Variants in GRIK4 observed in about 807,000 individuals in gnomAD.
GRIK4 encodes glutamate ionotropic receptor kainate type subunit 4, also known as glutamate receptor ionotropic, kainate 4.
A neutral mutation model predicts 104.9 loss-of-function variants in GRIK4; 40 were observed. That is an observed-to-expected ratio of 0.38 (90% CI 0.30 to 0.50). The LOEUF (loss-of-function observed/expected upper bound fraction) is 0.50, where lower values mean the gene tolerates loss of function less well. Ranked by LOEUF, GRIK4 falls within the 20% of genes least tolerant of loss-of-function variation. The pLI is 0.93. For synonymous variants in GRIK4, 485 were observed against 524.9 expected (o/e 0.92, Z 1.04); for missense variants, 1,047 against 1,308.1 (o/e 0.80, Z 3.08).
At position 120,967,674 on chromosome 11, in the gene GRIK4, C is replaced by A. The variant is rs934535209; in HGVS notation, c.2395+351C>A. Among the ~76,000 whole-genome samples the A allele has an allele frequency of 1.1e-4, 17 of 152,200 alleles. No homozygotes were observed. Among genetic ancestry groups the A allele is most frequent in the Non-Finnish European group, 5.9e-5 (4 of 68,038 alleles). ...TCAGTTTCCCATTCTTGCGTCTCTA[C>A]AGTATATTCTCCGCTACTAGCCAGA... is the stretch of plus-strand genomic sequence containing the variant. On this transcript the variant is annotated intron_variant, in intron 19 of 20. Transcript: ENST00000527524. The surrounding 1 kb of genome is among the most constrained non-coding windows in gnomAD (Gnocchi z 4.2).
At chr11:120,608,417 C>T (rs1281674269) in intron 1 of GRIK4, among the ~76,000 whole-genome samples, 1 of 152,276 alleles carries the variant, frequency 6.6e-6, no homozygotes, top group African/African-American at 2.4e-5. Flanking sequence ...GACACATTTA[C>T]AAAGGCTCTT....
At chr11:120,832,097 T>A in intron 7 of GRIK4, 67 bp downstream of exon 7, 2 of 1,150,686 alleles carry the variant, frequency 1.7e-6, no homozygotes, top group Non-Finnish European at 2.5e-6. Flanking sequence ...GCCTTGAGGG[T>A]CCTCCTGAGC....
At chr11:120,701,206 A>G (rs1266247222) in intron 3 of GRIK4, among the ~76,000 whole-genome samples, 1 of 152,194 alleles carries the variant, frequency 6.6e-6, no homozygotes, top group African/African-American at 2.4e-5. Context: ...CATTTTGTAC[A>G]CTAGATCTCT....
At chr11:120,845,511 C>T (rs919222458) in intron 8 of GRIK4, among the ~76,000 whole-genome samples, 9 of 152,160 alleles carry the variant, frequency 5.9e-5, no homozygotes, top group African/African-American at 2.2e-4. Flanking sequence ...CAAAACTCTA[C>T]AGCTGTTATC....
chr11:120,976,788 C>G (rs923731919), intron 19 of GRIK4, among the ~76,000 whole-genome samples: 2 of 152,242 alleles, frequency 1.3e-5, no homozygotes, highest in Non-Finnish European at 2.9e-5. Context: ...GCCTCCATGG[C>G]TTTTGTGGCC....
At chr11:120,877,189 C>T (rs571166040) in intron 11 of GRIK4, among the ~76,000 whole-genome samples, 1 of 152,314 alleles carries the variant, frequency 6.6e-6, no homozygotes, top group East Asian at 1.9e-4. Flanking sequence ...TATAATTTCT[C>T]AAATGAGAGC....
chr11:120,530,056 TG>T (rs2136080444), intron 1 of GRIK4, among the ~76,000 whole-genome samples: 1 of 152,334 alleles, frequency 6.6e-6, no homozygotes, highest in East Asian at 1.9e-4. Context: ...GTGAGTCCTA[TG>T]AGGCCCCATG....
rs1301717974 is a variant in GRIK4 at position 120,902,906 on chromosome 11, G to A, written c.1273-2384G>A. On this transcript the variant is annotated intron_variant, in intron 12 of 20. Transcript: ENST00000527524. The surrounding 1 kb of genome is among the most constrained non-coding windows in gnomAD (Gnocchi z 4.5). ...CCGTTCCTATCTCATTGACGTGACAGTGGACTCATCCAGAATCAGAATCAC... is the reference window on the plus strand; with the variant it reads ...CCGTTCCTATCTCATTGACGTGACAATGGACTCATCCAGAATCAGAATCAC... 1.3e-5 allele frequency among the ~76,000 whole-genome samples: 2 copies of A among 152,156 alleles called. No homozygotes were observed. Among genetic ancestry groups the A allele is most frequent in the East Asian group, 3.8e-4 (2 of 5,196 alleles).
chr11:120,793,677 A>G (rs1030363221), intron 3 of GRIK4, among the ~76,000 whole-genome samples: 1 of 151,152 alleles, frequency 6.6e-6, no homozygotes, highest in African/African-American at 2.4e-5. Flanking sequence ...GGCTGAGAGT[A>G]GGGTGACGGT....
At chr11:120,959,617 A>G (rs1944244648) in intron 16 of GRIK4, among the ~76,000 whole-genome samples, 1 of 152,216 alleles carries the variant, frequency 6.6e-6, no homozygotes, top group Non-Finnish European at 1.5e-5. Flanking sequence ...CAGATGGGAG[A>G]AGGCTTGTTT....
intron 4 of GRIK4, among the ~76,000 whole-genome samples, chr11:120,805,454 A>G (rs570684717): frequency 1.3e-5 from 2 of 152,330 alleles, no homozygotes; most frequent in African/African-American, 4.8e-5. Flanking sequence ...ATTGAGCCAG[A>G]TGAATCAGGG....
chr11:120,727,711 T>C (rs555591045), intron 3 of GRIK4, among the ~76,000 whole-genome samples: 2 of 151,744 alleles, frequency 1.3e-5, no homozygotes, highest in South Asian at 2.1e-4. Flanking sequence ...AAATCAGAAG[T>C]AGAAAAACTT....
chr11:120,599,400 G>T (rs934400557), intron 1 of GRIK4, among the ~76,000 whole-genome samples: 4 of 152,176 alleles, frequency 2.6e-5, no homozygotes, highest in African/African-American at 4.8e-5. Context: ...GGACATTGGT[G>T]CCCCATGCCT....
chr11:120,684,662 C>G (rs1202585144), intron 3 of GRIK4, among the ~76,000 whole-genome samples: 1 of 152,046 alleles, frequency 6.6e-6, no homozygotes, highest in Non-Finnish European at 1.5e-5. Context: ...TCAAGGAAAG[C>G]TTTTCTGTGC....
At chr11:120,750,645 A>C (rs1311584624) in intron 3 of GRIK4, among the ~76,000 whole-genome samples, 1 of 152,198 alleles carries the variant, frequency 6.6e-6, no homozygotes, top group Non-Finnish European at 1.5e-5. Flanking sequence ...ATGGGATTAC[A>C]GGCGTGAGCT....
rs1343377460 is a variant in GRIK4, at chr11:120,749,575, A to G, written c.83-53118A>G. Among the ~76,000 whole-genome samples the G allele has an allele frequency of 3.3e-5, 5 of 152,324 alleles. No individual in the cohort carries two copies. The East Asian group carries it at 9.6e-4, about 29-fold the overall frequency. On this transcript the variant is annotated intron_variant, in intron 3 of 20. Transcript: ENST00000527524. ...AAGACAGAGCAGAGGAACTCCCCAG[A>G]ATGAATCACACCAAAAGGCCTGGGT...
At chr11:120,540,884 G>A (rs1948026946) in intron 1 of GRIK4, among the ~76,000 whole-genome samples, 2 of 152,186 alleles carry the variant, frequency 1.3e-5, no homozygotes, top group African/African-American at 4.8e-5. Context: ...AGCTGAGGTG[G>A]GAGGATCTCT....
At chr11:120,525,885 A>G (rs1258243694) in intron 1 of GRIK4, among the ~76,000 whole-genome samples, 2 of 152,162 alleles carry the variant, frequency 1.3e-5, no homozygotes, top group African/African-American at 4.8e-5. Context: ...TTGTTCATGT[A>G]TCTGAAGCCT....
At chr11:120,805,853 G>A (rs1214919810) in intron 4 of GRIK4, among the ~76,000 whole-genome samples, 2 of 152,188 alleles carry the variant, frequency 1.3e-5, no homozygotes, top group Non-Finnish European at 2.9e-5. Context: ...AGGGGGACAG[G>A]ATCTCTGGGT....
Sources: allele counts gnomAD v4.1 joint callset (sites outside exome capture counted in the v4.1 genomes callset), GRCh38; gene constraint gnomAD v4.1.1; non-coding constraint Gnocchi (gnomAD v3.1); transcripts MANE v1.5; gene names NCBI Gene and HGNC (gene_info 2026-07-23, HGNC 2026-07-21).